CSMD1: variants seen among roughly 807,000 people sequenced by gnomAD.
CSMD1 encodes the protein CUB and sushi domain-containing protein 1.
CSMD1 carries 213 observed loss-of-function variants against 417.5 expected under a neutral mutation model. The observed-to-expected ratio is 0.51, with a 90% confidence interval of 0.46 to 0.57. The LOEUF (loss-of-function observed/expected upper bound fraction) is 0.57. Ranked by LOEUF, CSMD1 falls within the 20% of genes least tolerant of loss-of-function variation. The pLI, the probability that CSMD1 is intolerant of heterozygous loss-of-function variation, is 0.00. For synonymous variants in CSMD1, 2,862 were observed against 1,736.8 expected, an observed-to-expected ratio of 1.65 and a Z score of -16.11; for missense variants, 6,923 against 4,529.7, an observed-to-expected ratio of 1.53 and a Z score of -15.17.
chr8:3,260,778 A>G (rs894825384), intron 26 of CSMD1, among the ~76,000 whole-genome samples: 4 of 152,202 alleles, frequency 2.6e-5, no homozygotes, highest in Admixed American at 1.3e-4. Flanking sequence ...CAATCCATAA[A>G]AGCCAAAATG....
At chr8:3,578,761 T>A (rs1179002649) in intron 9 of CSMD1, among the ~76,000 whole-genome samples, 1 of 152,146 alleles carries the variant, frequency 6.6e-6, no homozygotes, top group Admixed American at 6.5e-5. Flanking sequence ...TTTCATAGCA[T>A]CCCTGGAGGC....
intron 3 of CSMD1, among the ~76,000 whole-genome samples, chr8:4,293,535 T>C (rs778918818): frequency 2.0e-5 from 3 of 152,164 alleles, no homozygotes; most frequent in Admixed American, 6.5e-5. Context: ...AACCATGAAA[T>C]AGACTTGTCA....
At chr8:4,864,428 C>T (rs1321591436) in intron 1 of CSMD1, among the ~76,000 whole-genome samples, 1 of 151,742 alleles carries the variant, frequency 6.6e-6, no homozygotes, top group Non-Finnish European at 1.5e-5. Flanking sequence ...TTACTATATC[C>T]ACAAATTTGC....
chr8:4,540,968 C>A (rs1020302314), intron 2 of CSMD1, among the ~76,000 whole-genome samples: 1 of 152,142 alleles, frequency 6.6e-6, no homozygotes, highest in Non-Finnish European at 1.5e-5. Context: ...GGGTTAATAG[C>A]ACAGGTAAAG....
chr8:3,923,089 G>T (rs1809390299), intron 5 of CSMD1, among the ~76,000 whole-genome samples: 2 of 152,062 alleles, frequency 1.3e-5, no homozygotes, highest in African/African-American at 4.8e-5. Flanking sequence ...GTTGCGAAGG[G>T]CCCTTGTGAC....
chr8:3,142,606 G>A lies in CSMD1; in HGVS notation c.6100C>T (p.Pro2034Ser), dbSNP rs546531300. The change falls in exon 41 of 70, where the codon CCT (proline) becomes TCT (serine). Residue 2034 changes from proline (P) to serine (S), a missense_variant. Pro to Ser is a moderately conservative substitution (Grantham distance 74). Transcript: ENST00000635120. The part of the protein sequence containing the change: ...NHDFLEIQNG[P>S]YHTSPMIGQF... ...CCAATCATGGGGCTGGTGTGGTAAGGTCCATTTTGAATTTCAAGGAAGTCA... is the reference window on the plus strand; with the variant it reads ...CCAATCATGGGGCTGGTGTGGTAAGATCCATTTTGAATTTCAAGGAAGTCA... The A allele has an allele frequency of 6.2e-7, 1 of 1,613,906 alleles. No individual in the cohort carries two copies. Among genetic ancestry groups the A allele is most frequent in the East Asian group, 2.2e-5 (1 of 44,878 alleles).
intron 7 of CSMD1, among the ~76,000 whole-genome samples, chr8:3,653,913 G>A (rs749158551): frequency 6.6e-6 from 1 of 152,162 alleles, no homozygotes; most frequent in African/African-American, 2.4e-5. Flanking sequence ...ATCAGCACTT[G>A]CTCTTGTGTC....
chr8:4,698,000 C>T (rs931853492), intron 1 of CSMD1, among the ~76,000 whole-genome samples: 6 of 152,094 alleles, frequency 3.9e-5, no homozygotes, highest in African/African-American at 7.2e-5. Flanking sequence ...GATCTTACAT[C>T]GAACACTTAA....
At chr8:4,868,818 T>C (rs961928120) in intron 1 of CSMD1, among the ~76,000 whole-genome samples, 1 of 151,940 alleles carries the variant, frequency 6.6e-6, no homozygotes, top group African/African-American at 2.4e-5. Context: ...TCATGTGCTG[T>C]ATCAGCTCCT....
chr8:3,137,148 T>C (rs1489634396), intron 41 of CSMD1, among the ~76,000 whole-genome samples: 3 of 152,166 alleles, frequency 2.0e-5, no homozygotes, highest in Non-Finnish European at 4.4e-5. Context: ...ATGGGACATA[T>C]TATTGTTGAC....
intron 5 of CSMD1, among the ~76,000 whole-genome samples, chr8:3,915,015 G>T: frequency 6.6e-6 from 1 of 152,254 alleles, no homozygotes; most frequent in Non-Finnish European, 1.5e-5. Flanking sequence ...AAGTGTTCAG[G>T]ATGAGGAGAT....
intron 10 of CSMD1, among the ~76,000 whole-genome samples, chr8:3,536,902 G>T (rs1028452512): frequency 6.6e-6 from 1 of 152,190 alleles, no homozygotes; most frequent in Non-Finnish European, 1.5e-5. Flanking sequence ...TAGTTTAGAA[G>T]GATTTATTGT....
At chr8:3,064,557 G>C (rs932165633) in intron 49 of CSMD1, among the ~76,000 whole-genome samples, 2 of 152,132 alleles carry the variant, frequency 1.3e-5, no homozygotes, top group Non-Finnish European at 1.5e-5. Flanking sequence ...AGTAGTGTGA[G>C]AATGGATTAA....
chr8:4,401,633 G>T (rs190714185), intron 3 of CSMD1, among the ~76,000 whole-genome samples: 1 of 152,078 alleles, frequency 6.6e-6, no homozygotes, highest in Non-Finnish European at 1.5e-5. Flanking sequence ...CCCGGATTCT[G>T]TGTCGTACCC....
At chr8:4,429,695 G>T (rs1172455289) in intron 2 of CSMD1, among the ~76,000 whole-genome samples, 1 of 152,080 alleles carries the variant, frequency 6.6e-6, no homozygotes, top group Non-Finnish European at 1.5e-5. Flanking sequence ...TACCCCAAAA[G>T]AACAGGAGCT....
chr8:3,491,832 AG>A (rs1389999227), intron 11 of CSMD1, among the ~76,000 whole-genome samples: 2 of 152,232 alleles, frequency 1.3e-5, no homozygotes, highest in African/African-American at 2.4e-5. Context: ...TAGGGAAACC[AG>A]CCCCACACCA....
intron 5 of CSMD1, among the ~76,000 whole-genome samples, chr8:3,836,031 T>C (rs1157307672): frequency 6.6e-6 from 1 of 152,132 alleles, no homozygotes; most frequent in Non-Finnish European, 1.5e-5. Flanking sequence ...TCTGTTTCAT[T>C]AGCTTTTTCT....
intron 3 of CSMD1, among the ~76,000 whole-genome samples, chr8:4,248,761 C>T (rs191224826): frequency 1.8e-4 from 28 of 152,208 alleles, no homozygotes; most frequent in Admixed American, 7.9e-4. Context: ...ACTTATTAAG[C>T]GCATGGTTTA....
At chr8:4,327,887 C>G (rs1799648415) in intron 3 of CSMD1, among the ~76,000 whole-genome samples, 10 of 152,108 alleles carry the variant, frequency 6.6e-5, no homozygotes, top group Admixed American at 6.6e-4. Flanking sequence ...TAAAATCTTT[C>G]CTTTTGCTTC....
Sources: gnomAD v4.1 joint callset for allele counts (sites outside exome capture counted in the v4.1 genomes callset) on GRCh38, gnomAD v4.1.1 for gene constraint, MANE v1.5 for transcripts, NCBI Gene and HGNC (gene_info 2026-07-23, HGNC 2026-07-21) for gene names.